The following SDK1 variants were observed in gnomAD, a reference collection of about 807,000 sequenced individuals.
The protein encoded by SDK1 is protein sidekick-1.
In SDK1, 157 loss-of-function variants were observed where a neutral mutation model predicts 245.5. The ratio of observed to expected loss-of-function variants is 0.64; its 90% CI spans 0.56 to 0.73. SDK1 has a LOEUF of 0.73. Ranked by LOEUF, SDK1 falls within the 30% of genes least tolerant of loss-of-function variation. The pLI is 0.00. For synonymous variants in SDK1, 1,647 were observed against 1,278.5 expected, an observed-to-expected ratio of 1.29 and a Z score of -6.15; for missense variants, 3,583 against 3,002.3, an observed-to-expected ratio of 1.19 and a Z score of -4.52.
chr7:3,480,522 C>T (rs182920330), intron 1 of SDK1, among the ~76,000 whole-genome samples: 74 of 152,246 alleles, frequency 4.9e-4, no homozygotes, highest in African/African-American at 1.5e-3. Flanking sequence ...TCGGTGTTCC[C>T]GATAAGCTGC....
chr7:4,091,589 C>T (rs1425971353), intron 22 of SDK1, among the ~76,000 whole-genome samples: 2 of 152,028 alleles, frequency 1.3e-5, no homozygotes, highest in African/African-American at 4.8e-5. Context: ...GTGATCCACC[C>T]ACCTCAGCCT....
intron 35 of SDK1, among the ~76,000 whole-genome samples, chr7:4,180,152 ACAGCTCCAGCTCTATGCCCAGCGCC>A (rs1215164791): frequency 5.9e-5 from 9 of 151,410 alleles, no homozygotes; most frequent in Admixed American, 1.3e-4. Context: ...TGCCCAGCAA[ACAGCTCCAGCTCTATGCCCAGCGCC>A]CAGCTCCAGC....
intron 1 of SDK1, among the ~76,000 whole-genome samples, chr7:3,429,291 C>T (rs1779764942): frequency 6.6e-6 from 1 of 152,110 alleles, no homozygotes; most frequent in Admixed American, 6.6e-5. Flanking sequence ...ATTACTTTTA[C>T]TTATTTGTAA....
rs961405329 is a variant in SDK1, at chr7:3,971,388, C to T, written c.1715-78C>T. ...ACTCGGAGGTTGTGATGTCAGATGACCAGGGCATTATCCCCCCTGAGGGCA... is the reference window on the plus strand; with the variant it reads ...ACTCGGAGGTTGTGATGTCAGATGATCAGGGCATTATCCCCCCTGAGGGCA... On this transcript the variant is annotated intron_variant, in intron 11 of 44. Coordinates refer to ENST00000404826, the MANE Select transcript of SDK1 (RefSeq NM_152744.4). 6.5e-5 allele frequency: 60 copies of T among 923,450 alleles called. 1 individual carries two copies. The highest frequency in any genetic ancestry group is 8.9e-5 in the Non-Finnish European group (51 of 572,970). The allele number at this position is 923,450 out of a possible 1,614,324, so 57.2% of individuals were successfully genotyped here.
At chr7:4,157,829 C>A (rs1370531278) in intron 30 of SDK1, among the ~76,000 whole-genome samples, 1 of 152,068 alleles carries the variant, frequency 6.6e-6, no homozygotes, top group Non-Finnish European at 1.5e-5. Context: ...CCGTGTCAGC[C>A]CCAGTGAATG....
At chr7:4,170,675 C>A (rs1029231378) in intron 32 of SDK1, among the ~76,000 whole-genome samples, 1 of 152,144 alleles carries the variant, frequency 6.6e-6, no homozygotes, top group Non-Finnish European at 1.5e-5. Context: ...AGTAAAACAA[C>A]TGAAAACCTA....
At chr7:3,681,834 G>A (rs1784109283) in intron 4 of SDK1, among the ~76,000 whole-genome samples, 1 of 152,058 alleles carries the variant, frequency 6.6e-6, no homozygotes, top group South Asian at 2.1e-4. Context: ...AACAAACAGA[G>A]GTATAACATT....
chr7:3,543,475 C>G (rs1428800715), intron 1 of SDK1, among the ~76,000 whole-genome samples: 2 of 152,222 alleles, frequency 1.3e-5, no homozygotes, highest in African/African-American at 2.4e-5. Context: ...GTGGGAGAGA[C>G]TGCCTTCCTC....
At chr7:4,020,420 A>G (rs1468865564) in intron 17 of SDK1, among the ~76,000 whole-genome samples, 3 of 152,134 alleles carry the variant, frequency 2.0e-5, no homozygotes, top group Non-Finnish European at 4.4e-5. Context: ...GAGCGTATGA[A>G]TTCTGTCCTG....
intron 4 of SDK1, among the ~76,000 whole-genome samples, chr7:3,653,371 T>A (rs2128656597): frequency 6.6e-6 from 1 of 152,248 alleles, no homozygotes; most frequent in South Asian, 2.1e-4. Flanking sequence ...AAATCTAGAC[T>A]TAGAATGGCA....
chr7:3,957,080 C>G (rs1340583318), intron 7 of SDK1, among the ~76,000 whole-genome samples: 1 of 152,068 alleles, frequency 6.6e-6, no homozygotes, highest in Non-Finnish European at 1.5e-5. Context: ...AAAATAGTTG[C>G]AAAAGTTACA....
chr7:4,101,336 C>T (rs148383134), intron 22 of SDK1, among the ~76,000 whole-genome samples: 2,230 of 152,168 alleles, frequency 0.015, 25 homozygotes, highest in Non-Finnish European at 0.024. Flanking sequence ...TTAGTAGAGA[C>T]GGGAGTTTCA....
chr7:3,344,398 T>C (rs1009641378), intron 1 of SDK1, among the ~76,000 whole-genome samples: 6 of 152,216 alleles, frequency 3.9e-5, no homozygotes, highest in African/African-American at 1.2e-4. Flanking sequence ...TCCAATTTTT[T>C]TTCTCGTTAG....
chr7:4,134,821 C>G (rs575855483), intron 28 of SDK1: 6 of 152,530 alleles, frequency 3.9e-5, no homozygotes, highest in African/African-American at 1.4e-4. Flanking sequence ...TGTGCTTCAT[C>G]TGTGCTTCTC....
intron 4 of SDK1, among the ~76,000 whole-genome samples, chr7:3,720,550 A>G (rs146236345): frequency 1.2e-4 from 19 of 152,346 alleles, no homozygotes; most frequent in African/African-American, 4.3e-4. Context: ...ACCCATCAGA[A>G]TGGATAAAAT....
chr7:3,418,865 A>C (rs930594708), intron 1 of SDK1, among the ~76,000 whole-genome samples: 3 of 152,186 alleles, frequency 2.0e-5, no homozygotes, highest in African/African-American at 7.2e-5. Flanking sequence ...CCTATGGTCA[A>C]ATCTGCACGT....
intron 40 of SDK1, chr7:4,227,255 C>A: frequency 7.4e-6 from 3 of 406,572 alleles, no homozygotes; most frequent in South Asian, 1.9e-5. Flanking sequence ...CCCTCATGTG[C>A]TGCTTGTCTT....
chr7:3,995,205 C>G (rs1322472175), intron 14 of SDK1, among the ~76,000 whole-genome samples: 1 of 152,212 alleles, frequency 6.6e-6, no homozygotes, highest in Non-Finnish European at 1.5e-5. Context: ...CCTGGGCACA[C>G]CAGATATTCA....
At chr7:3,852,603 T>C (rs1320091773) in intron 5 of SDK1, among the ~76,000 whole-genome samples, 1 of 151,154 alleles carries the variant, frequency 6.6e-6, no homozygotes, top group Non-Finnish European at 1.5e-5. Context: ...AAAAAAAAAT[T>C]AGCCGGGCTT....
Sources: allele counts gnomAD v4.1 joint callset (sites outside exome capture counted in the v4.1 genomes callset), GRCh38; gene constraint gnomAD v4.1.1; transcripts MANE v1.5; gene names NCBI Gene and HGNC (gene_info 2026-07-23, HGNC 2026-07-21).